HEXB: variants seen among roughly 807,000 people sequenced by gnomAD.
HEXB encodes the protein beta-hexosaminidase subunit beta.
HEXB carries 51 observed loss-of-function variants against 71.2 expected under a neutral mutation model. The observed-to-expected ratio is 0.72, with a 90% confidence interval of 0.57 to 0.90. HEXB has a LOEUF of 0.90. HEXB is among the 40% of genes least tolerant of loss of function. The pLI, the probability that HEXB is intolerant of heterozygous loss-of-function variation, is 0.00. For synonymous variants in HEXB, 266 were observed against 249.3 expected, an observed-to-expected ratio of 1.07 and a Z score of -0.63; for missense variants, 617 against 677.0, an observed-to-expected ratio of 0.91 and a Z score of 0.98.
At chr5:74,660,730 G>A (rs1748302709) in intron 1 of HEXB, among the ~76,000 whole-genome samples, 1 of 152,022 alleles carries the variant, frequency 6.6e-6, no homozygotes, top group Non-Finnish European at 1.5e-5. Context: ...CTTTATGACT[G>A]GTAAAATCAT....
At chr5:74,651,298 A>G (rs538457490) in intron 1 of HEXB, among the ~76,000 whole-genome samples, 1 of 152,322 alleles carries the variant, frequency 6.6e-6, no homozygotes, top group East Asian at 1.9e-4. Flanking sequence ...CTGTCTTTTC[A>G]CCACTGTGTG....
chr5:74,711,039 A>G (rs1181780110), intron 6 of HEXB, among the ~76,000 whole-genome samples: 1 of 150,576 alleles, frequency 6.6e-6, no homozygotes, highest in African/African-American at 2.4e-5. Flanking sequence ...AAACTATACT[A>G]CAAGGCTACA....
intron 8 of HEXB, among the ~76,000 whole-genome samples, chr5:74,716,033 AAAAAAAAAT>A (rs749457545): frequency 0.012 from 1,795 of 145,602 alleles, 22 homozygotes; most frequent in Middle Eastern, 0.024. Context: ...AAAAAAAAAA[AAAAAAAAAT>A]GGAATAAAAA....
upstream of HEXB, among the ~76,000 whole-genome samples, chr5:74,684,528 G>C (rs1344407049): frequency 6.6e-6 from 1 of 152,206 alleles, no homozygotes; most frequent in South Asian, 2.1e-4. Flanking sequence ...GGGCTGAGAG[G>C]AGAAAGGTGC....
chr5:74,703,107 C>T (rs1749301372), intron 5 of HEXB, among the ~76,000 whole-genome samples: 1 of 152,210 alleles, frequency 6.6e-6, no homozygotes, highest in Admixed American at 6.5e-5. Context: ...CATCCGCCAC[C>T]ACGCCCAGCT....
At chr5:74,701,965 A>C (rs1394740252) in intron 5 of HEXB, among the ~76,000 whole-genome samples, 2 of 151,862 alleles carry the variant, frequency 1.3e-5, no homozygotes, top group Non-Finnish European at 2.9e-5. Context: ...TTGTTCCAAC[A>C]ATGTCTTTTA....
intron 6 of HEXB, 38 bp from the exon 7 acceptor site, chr5:74,713,468 G>C (rs561242281): frequency 1.3e-6 from 2 of 1,595,338 alleles, no homozygotes; most frequent in African/African-American, 1.3e-5. Flanking sequence ...TCAAATCTAC[G>C]TTGTACATTT....
At chr5:74,674,375 G>A (rs905370274) in intron 1 of HEXB, among the ~76,000 whole-genome samples, 2 of 151,988 alleles carry the variant, frequency 1.3e-5, no homozygotes, top group Non-Finnish European at 2.9e-5. Context: ...AGGCCGAGGC[G>A]GGCAGATCAC....
In HEXB at chr5:74,685,234, G is replaced by T; in HGVS notation, c.-27G>T. The T allele has an allele frequency of 6.7e-7, 1 of 1,487,558 alleles. No individual in the cohort carries two copies. The highest frequency in any genetic ancestry group is 1.3e-5 in the South Asian group (1 of 78,284). 92.1% of individuals were successfully genotyped at this position (1,487,558 alleles called of 1,614,324 possible). On this transcript the variant is annotated 5_prime_UTR_variant, in exon 1 of 14. Coordinates refer to ENST00000261416, the MANE Select transcript of HEXB (RefSeq NM_000521.4). Reference sequence around the variant, plus strand: ...CGGGTCCCGAGGCTCCGGCTCGGCAGACCGGGCGGAAAGCAGCCGAGCGGC... The same window carrying T: ...CGGGTCCCGAGGCTCCGGCTCGGCATACCGGGCGGAAAGCAGCCGAGCGGC...
rs577674554 is a variant in HEXB, at chr5:74,668,589, T to C, written c.-376-20739T>C. ...TCCTATGTACCCTGCAGCGTTGTTATAAGGGTTTGAGATACTGTGTGTAAA... is the reference window on the plus strand; with the variant it reads ...TCCTATGTACCCTGCAGCGTTGTTACAAGGGTTTGAGATACTGTGTGTAAA... On this transcript the variant is annotated intron_variant, in intron 1 of 13. Coordinates refer to the HEXB transcript ENST00000511181. Among the ~76,000 whole-genome samples, 9 of 152,304 alleles carry C rather than the reference T, an allele frequency of 5.9e-5. No homozygotes were observed. In the East Asian group the frequency reaches 1.4e-3, roughly 23 times the overall value.
chr5:74,683,857 G>A (rs1247787592), upstream of HEXB, among the ~76,000 whole-genome samples: 2 of 129,226 alleles, frequency 1.5e-5, no homozygotes, highest in Non-Finnish European at 3.2e-5. Flanking sequence ...TCTTGTTCTT[G>A]TTGCCCAGGC....
At position 74,652,688 on chromosome 5, in the gene HEXB, A is replaced by AAGTAGGATTGTGTCCAAGTTCCAG. The variant is rs1561201442; in HGVS notation, c.-377+12133_-377+12134insAGGATTGTGTCCAAGTTCCAGAGT. Among the ~76,000 whole-genome samples the AAGTAGGATTGTGTCCAAGTTCCAG allele has an allele frequency of 2.6e-5, 4 of 151,930 alleles. 1 individual carries two copies. Among genetic ancestry groups the AAGTAGGATTGTGTCCAAGTTCCAG allele is most frequent in the African/African-American group, 4.8e-5 (2 of 41,324 alleles). On this transcript the variant is annotated intron_variant, in intron 1 of 13. Coordinates refer to the HEXB transcript ENST00000511181. This position sits in a 1 kb window ranked among gnomAD's most constrained non-coding sequence, Gnocchi z 5.4. Reference sequence around the variant, plus strand: ...CCCCCAGGATTGTGTCCAAGTTCCAAAGTGTTCTTGAGCAGCCAAAAGTCA... The same window carrying AAGTAGGATTGTGTCCAAGTTCCAG: ...CCCCCAGGATTGTGTCCAAGTTCCAAAGTAGGATTGTGTCCAAGTTCCAGAGTGTTCTTGAGCAGCCAAAAGTCA...
At chr5:74,711,587 G>GA (rs1430679000) in intron 6 of HEXB, among the ~76,000 whole-genome samples, 1 of 151,876 alleles carries the variant, frequency 6.6e-6, no homozygotes, top group Non-Finnish European at 1.5e-5. Context: ...AAATTTACAA[G>GA]AAAAAAACAA....
chr5:74,705,654 A>C lies in HEXB; in HGVS notation c.771+334A>C. 1.5e-5 allele frequency: 4 copies of C among 264,748 alleles called. No individual in the cohort carries two copies. The Admixed American group carries it at 2.0e-4, about 13-fold the overall frequency. The allele number at this position is 264,748 out of a possible 1,614,324, so 16.4% of individuals were successfully genotyped here. A position where few individuals can be genotyped will look rare whatever the true frequency, so the allele number is the denominator to read the frequency against. On this transcript the variant is annotated intron_variant, in intron 6 of 13. Transcript: ENST00000261416. ...GTTGTCCAACAGTGTATTTGTTTTA[A>C]ACATAATTGTTTGGAAATCCATAAA...
intron 1 of HEXB, among the ~76,000 whole-genome samples, chr5:74,658,130 T>C (rs141749265): frequency 6.6e-6 from 1 of 152,280 alleles, no homozygotes; most frequent in African/African-American, 2.4e-5. Context: ...TCTGTGAGCT[T>C]TGGGAACTAG....
Position 74,705,276 on chromosome 5 carries a change from T to A in HEXB, c.727T>A (p.Ser243Thr), listed in dbSNP as rs748329624. ...VLHWHIVDDQ[S>T]FPYQSITFPE... ...TCACTGGCACATAGTTGATGACCAG[T>A]CTTTCCCATATCAGAGCATCACTTT... Residue 243 changes from serine to threonine, a missense_variant, in exon 6 of 14, where the codon TCT becomes ACT. Transcript: ENST00000261416. 1.9e-6 allele frequency: 3 copies of A among 1,611,768 alleles called. No individual in the cohort carries two copies. Among genetic ancestry groups the A allele is most frequent in the Non-Finnish European group, 2.5e-6 (3 of 1,177,946 alleles).
intron 1 of HEXB, among the ~76,000 whole-genome samples, chr5:74,650,682 G>A (rs192235315): frequency 1.1e-3 from 174 of 152,192 alleles, no homozygotes; most frequent in African/African-American, 4.0e-3. Context: ...AGCACTTTGG[G>A]AGGCCAAGGC....
chr5:74,715,795 T>A, intron 8 of HEXB, 105 bp downstream of exon 8: 1 of 786,648 alleles, frequency 1.3e-6, no homozygotes, highest in Non-Finnish European at 2.2e-6. Context: ...GGCAGGCAGA[T>A]CACCTGAGGT....
At chr5:74,686,340 C>G (rs1561214375) in intron 1 of HEXB, among the ~76,000 whole-genome samples, 1 of 152,208 alleles carries the variant, frequency 6.6e-6, no homozygotes, top group Admixed American at 6.5e-5. Flanking sequence ...ACGCCACACA[C>G]TGTCCCCTCA....
Sources: gnomAD v4.1 joint callset for allele counts (sites outside exome capture counted in the v4.1 genomes callset) on GRCh38, gnomAD v4.1.1 for gene constraint, Gnocchi (gnomAD v3.1) non-coding constraint, MANE v1.5 for transcripts, NCBI Gene and HGNC (gene_info 2026-07-23, HGNC 2026-07-21) for gene names.